The following RANBP2 variants were observed in gnomAD, a reference collection of about 807,000 sequenced individuals.
The protein encoded by RANBP2 is RAN binding protein 2.
A neutral mutation model predicts 303.6 loss-of-function variants in RANBP2; 57 were observed. That is an observed-to-expected ratio of 0.19 (90% CI 0.15 to 0.23). The LOEUF is 0.23. RANBP2 is among the 10% of genes least tolerant of loss of function. The probability of loss-of-function intolerance (pLI) is 1.00; values close to 1 mark genes in which losing one functional copy is unlikely to be tolerated. For synonymous variants in RANBP2, 1,167 were observed against 1,301.5 expected (o/e 0.90, Z 2.23); for missense variants, 3,138 against 3,780.8 (o/e 0.83, Z 4.46).
At chr2:108,921,123 CAG>C in the RANBP2 span, among the ~76,000 whole-genome samples, 1 of 152,218 alleles carries the variant, frequency 6.6e-6, no homozygotes, top group African/African-American at 2.4e-5. Flanking sequence ...CTCTGCTTCA[CAG>C]AGGTGCAGAG....
At chr2:108,931,378 G>T in the RANBP2 span, among the ~76,000 whole-genome samples, 38 of 152,334 alleles carry the variant, frequency 2.5e-4, 1 homozygote, top group Middle Eastern at 3.4e-3. Flanking sequence ...AGTCCTCCAG[G>T]CCAGTCCTGG....
chr2:109,370,820 C>T, the RANBP2 span, among the ~76,000 whole-genome samples: 1 of 152,194 alleles, frequency 6.6e-6, no homozygotes, highest in Non-Finnish European at 1.5e-5. Flanking sequence ...TGCATTTATA[C>T]TTGGTATTGT....
chr2:108,944,016 T>G, the RANBP2 span, among the ~76,000 whole-genome samples: 2 of 152,218 alleles, frequency 1.3e-5, no homozygotes, highest in South Asian at 2.1e-4. Context: ...AAAGGCTTGA[T>G]GTAGATTGTG....
chr2:108,764,738 G>C lies in RANBP2; in HGVS notation c.4199G>C (p.Ser1400Thr). 6.2e-7 allele frequency: 1 copy of C among 1,614,012 alleles called. No homozygotes were observed. Among genetic ancestry groups the C allele is most frequent in the Non-Finnish European group, 8.5e-7 (1 of 1,179,982 alleles). The change falls in exon 20 of 29, where the codon AGC becomes ACC. Residue 1400 changes from serine (S) to threonine (T), a missense_variant. Physicochemically the swap from Ser to Thr is moderately conservative, Grantham distance 58 (BLOSUM62 1). Around this residue, in one of 20 missense-constraint regions of RANBP2, gnomAD observed 388 missense variants for 328.5 expected, o/e 1.18. Transcript: ENST00000283195. ...LAETVFTPKT[S>T]PENVQDRFAL... ...GAAACTGTTTTTACTCCTAAAACCA[G>C]CCCAGAGAATGTTCAAGATCGATTT...
the RANBP2 span, among the ~76,000 whole-genome samples, chr2:109,706,208 T>C: frequency 5.3e-5 from 8 of 152,160 alleles, no homozygotes; most frequent in Non-Finnish European, 1.2e-4. Flanking sequence ...GAGCTCCTTG[T>C]GTGATGTAAA....
chr2:109,654,937 C>T, the RANBP2 span, among the ~76,000 whole-genome samples: 2 of 150,160 alleles, frequency 1.3e-5, no homozygotes, highest in East Asian at 2.0e-4. Context: ...GAGTCTTGCT[C>T]AGTCACCCAG....
chr2:108,822,947 TAGAAA>T, the RANBP2 span, among the ~76,000 whole-genome samples: 1 of 151,942 alleles, frequency 6.6e-6, no homozygotes, highest in South Asian at 2.1e-4. Flanking sequence ...TAACTCAAAT[TAGAAA>T]GGAAAGAAGG....
the RANBP2 span, among the ~76,000 whole-genome samples, chr2:109,254,844 A>G: frequency 6.6e-6 from 1 of 152,176 alleles, no homozygotes; most frequent in East Asian, 1.9e-4. Flanking sequence ...CCAGGGCAGT[A>G]TCTGCTCTCT....
the RANBP2 span, among the ~76,000 whole-genome samples, chr2:109,493,141 A>ACAC: frequency 1.6e-3 from 219 of 139,696 alleles, 2 homozygotes; most frequent in African/African-American, 5.5e-3. Context: ...TACCCCACAT[A>ACAC]CATCATACAA....
At chr2:109,125,089 G>T in the RANBP2 span, among the ~76,000 whole-genome samples, 1 of 152,220 alleles carries the variant, frequency 6.6e-6, no homozygotes, top group African/African-American at 2.4e-5. Context: ...GGCTCACCAG[G>T]CAGTCAAGTC....
At chr2:109,078,826 C>CA in the RANBP2 span, among the ~76,000 whole-genome samples, 2,819 of 105,384 alleles carry the variant, frequency 0.027, 60 homozygotes, top group African/African-American at 0.056. Flanking sequence ...ACTAAAAATA[C>CA]AAAAAAAAAA....
the RANBP2 span, among the ~76,000 whole-genome samples, chr2:109,091,574 G>C: frequency 6.6e-6 from 1 of 152,142 alleles, no homozygotes; most frequent in Non-Finnish European, 1.5e-5. Flanking sequence ...CTAGGCAGTG[G>C]GCAAGGTGAA....
the RANBP2 span, among the ~76,000 whole-genome samples, chr2:109,241,155 A>G: frequency 6.6e-6 from 1 of 152,246 alleles, no homozygotes; most frequent in Non-Finnish European, 1.5e-5. Flanking sequence ...AATGATGACA[A>G]GAAGAGAGCG....
chr2:108,972,973 T>A, the RANBP2 span, among the ~76,000 whole-genome samples: 2 of 152,204 alleles, frequency 1.3e-5, no homozygotes, highest in African/African-American at 4.8e-5. Context: ...GTGTTTATTT[T>A]TTTATTTATT....
chr2:109,015,118 C>CAAAAAAAAAAAAAAAAAAAAAAAA, the RANBP2 span, among the ~76,000 whole-genome samples: 1 of 68,810 alleles, frequency 1.5e-5, no homozygotes, highest in African/African-American at 5.9e-5. Context: ...GACTCCATCT[C>CAAAAAAAAAAAAAAAAAAAAAAAA]AAAAAAAAAA....
At chr2:109,673,062 C>T in the RANBP2 span, among the ~76,000 whole-genome samples, 95 of 152,080 alleles carry the variant, frequency 6.2e-4, 1 homozygote, top group Non-Finnish European at 1.0e-3. Flanking sequence ...TGTTCAATTA[C>T]GTAGCTGTAG....
the RANBP2 span, among the ~76,000 whole-genome samples, chr2:109,143,770 A>G: frequency 1.7e-4 from 26 of 150,592 alleles, no homozygotes; most frequent in African/African-American, 5.6e-4. Context: ...AACAAAACAA[A>G]CAAACAAACA....
the RANBP2 span, among the ~76,000 whole-genome samples, chr2:109,736,973 A>G: frequency 6.6e-6 from 1 of 151,994 alleles, no homozygotes; most frequent in African/African-American, 2.4e-5. Context: ...AAAAAAAAAG[A>G]AGTCATGTTA....
chr2:108,748,955 G>T lies in RANBP2; in HGVS notation c.1099G>T (p.Asp367Tyr). 6.2e-7 allele frequency: 1 copy of T among 1,611,964 alleles called. No homozygotes were observed. The highest frequency in any genetic ancestry group is 8.5e-7 in the Non-Finnish European group (1 of 1,179,836). Reference protein sequence around the residue: ...MLLNLSRGKQDFLKEIVETFA... With the variant: ...MLLNLSRGKQYFLKEIVETFA... ...GCTAAACTTAAGTCGTGGCAAGCAAGATTTTTTAAAAGAGATTGTTGAAAC... is the reference window on the plus strand; with the variant it reads ...GCTAAACTTAAGTCGTGGCAAGCAATATTTTTTAAAAGAGATTGTTGAAAC... The change falls in exon 9 of 29, where the codon GAT becomes TAT. Residue 367 changes from aspartate (D) to tyrosine (Y), a missense_variant. Asp to Tyr is a radical substitution (Grantham distance 160). Around this residue, in one of 20 missense-constraint regions of RANBP2, gnomAD observed 95 missense variants for 86.4 expected, o/e 1.10. Transcript: ENST00000283195.
Sources: allele counts gnomAD v4.1 joint callset (sites outside exome capture counted in the v4.1 genomes callset), GRCh38; gene constraint gnomAD v4.1.1; regional missense constraint gnomAD v4.1.1; transcripts MANE v1.5; gene names NCBI Gene and HGNC (gene_info 2026-07-23, HGNC 2026-07-21).